The following LINGO2 variants were observed in gnomAD, a reference collection of about 807,000 sequenced individuals.
LINGO2 encodes the protein leucine-rich repeat and immunoglobulin-like domain-containing nogo receptor-interacting protein 2.
In LINGO2, 14 loss-of-function variants were observed where a neutral mutation model predicts 30.6. The observed-to-expected ratio is 0.46, with a 90% confidence interval of 0.30 to 0.72. The LOEUF (loss-of-function observed/expected upper bound fraction) is 0.72, where lower values mean the gene tolerates loss of function less well. LINGO2 is among the 30% of genes least tolerant of loss of function. The pLI, the probability that LINGO2 is intolerant of heterozygous loss-of-function variation, is 0.07. For missense variants in LINGO2, 729 were observed against 751.7 expected, an observed-to-expected ratio of 0.97 and a Z score of 0.35; for synonymous variants, 317 against 288.5, an observed-to-expected ratio of 1.10 and a Z score of -1.00.
chr9:28,125,043 G>T (rs115352775), intron 4 of LINGO2, among the ~76,000 whole-genome samples: 450 of 152,300 alleles, frequency 3.0e-3, no homozygotes, highest in African/African-American at 0.01. Context: ...CAAATCTCTT[G>T]ATGTCAAAAG....
chr9:28,459,292 A>G (rs1048513411), intron 2 of LINGO2, among the ~76,000 whole-genome samples: 1 of 151,806 alleles, frequency 6.6e-6, no homozygotes, highest in Admixed American at 6.6e-5. Context: ...AACTATGCAC[A>G]TGCTACTATT....
chr9:28,272,173 C>G (rs989831409), intron 4 of LINGO2, among the ~76,000 whole-genome samples: 2 of 152,118 alleles, frequency 1.3e-5, no homozygotes, highest in African/African-American at 4.8e-5. Flanking sequence ...CTGTTCTCTC[C>G]CCTTTGCCTA....
chr9:29,046,780 A>G, the LINGO2 span, among the ~76,000 whole-genome samples: 6 of 152,066 alleles, frequency 3.9e-5, no homozygotes, highest in Admixed American at 2.0e-4. Flanking sequence ...GCACAGCTAA[A>G]GAAACTATTA....
At position 28,508,671 on chromosome 9, in the gene LINGO2, G is replaced by A. The variant is rs114957821; in HGVS notation, c.-364-32646C>T. Among the ~76,000 whole-genome samples the A allele has an allele frequency of 9.3e-3, 1,415 of 151,996 alleles. 23 individuals carry two copies. The highest frequency in any genetic ancestry group is 0.032 in the African/African-American group (1,326 of 41,472). ...CCTTTATTTGATGTCTAAGCAGAAGGTTGGTTATTTAATTCCTTTCCTTGG... is the reference window on the plus strand; with the variant it reads ...CCTTTATTTGATGTCTAAGCAGAAGATTGGTTATTTAATTCCTTTCCTTGG... On this transcript the variant is annotated intron_variant, in intron 1 of 5. Coordinates refer to ENST00000379992, the Ensembl canonical transcript of LINGO2.
At chr9:29,200,873 A>G in the LINGO2 span, among the ~76,000 whole-genome samples, 1 of 152,042 alleles carries the variant, frequency 6.6e-6, no homozygotes, top group African/African-American at 2.4e-5. Context: ...AGGAGTACTG[A>G]TCAGATATTC....
chr9:28,196,379 G>C (rs904782338), intron 4 of LINGO2, among the ~76,000 whole-genome samples: 2 of 151,710 alleles, frequency 1.3e-5, no homozygotes, highest in East Asian at 3.9e-4. Flanking sequence ...TAAAACTGTA[G>C]AAAGTAATAA....
chr9:28,448,976 G>A (rs1389165054), intron 2 of LINGO2, among the ~76,000 whole-genome samples: 1 of 151,552 alleles, frequency 6.6e-6, no homozygotes, highest in Non-Finnish European at 1.5e-5. Context: ...TCACATCAAG[G>A]AGCTAGGCTT....
chr9:27,979,058 T>C (rs1820735139), intron 5 of LINGO2, among the ~76,000 whole-genome samples: 1 of 152,002 alleles, frequency 6.6e-6, no homozygotes, highest in African/African-American at 2.4e-5. Context: ...TGAACATTGG[T>C]CAGTCCCTTT....
At chr9:28,444,133 T>C (rs1824312840) in intron 2 of LINGO2, among the ~76,000 whole-genome samples, 1 of 152,156 alleles carries the variant, frequency 6.6e-6, no homozygotes, top group Non-Finnish European at 1.5e-5. Context: ...CCTCCAGTTG[T>C]CCATGTCTCC....
At chr9:28,951,635 GAC>G in the LINGO2 span, among the ~76,000 whole-genome samples, 1 of 152,032 alleles carries the variant, frequency 6.6e-6, no homozygotes, top group East Asian at 1.9e-4. Context: ...GAGCTTCTGA[GAC>G]ACCAACACTG....
rs755912643 is a variant in LINGO2, at chr9:28,513,817, C to T, written c.-364-37792G>A. ...TGGATGATCTTAAAAAAGGACATAC[C>T]GACTTCGTGAATGTATGTATAGTAA... On this transcript the variant is annotated intron_variant, in intron 1 of 5. Transcript: ENST00000379992. 5.9e-5 allele frequency among the ~76,000 whole-genome samples: 9 copies of T among 152,234 alleles called. No homozygotes were observed. The South Asian group carries it at 8.3e-4, about 14-fold the overall frequency.
intron 4 of LINGO2, among the ~76,000 whole-genome samples, chr9:28,019,186 G>A (rs894591451): frequency 1.4e-4 from 21 of 152,032 alleles, no homozygotes; most frequent in African/African-American, 5.1e-4. Flanking sequence ...GCTTTTACCT[G>A]AATGATGAAA....
At position 28,135,372 on chromosome 9, in the gene LINGO2, G is replaced by T. The variant is rs1449566329; in HGVS notation, c.-86-122967C>A. On this transcript the variant is annotated intron_variant, in intron 4 of 5. Transcript: ENST00000379992. ...AGAGAAAATAAAATGAGTAAAGAAG[G>T]CAAGATTAAAAGGAATACTTGGGAG... 2.6e-5 allele frequency among the ~76,000 whole-genome samples: 4 copies of T among 151,860 alleles called. No individual in the cohort carries two copies. In the South Asian group the frequency reaches 6.2e-4, roughly 24 times the overall value.
At chr9:28,038,974 C>T (rs913563948) in intron 4 of LINGO2, among the ~76,000 whole-genome samples, 1 of 152,164 alleles carries the variant, frequency 6.6e-6, no homozygotes, top group African/African-American at 2.4e-5. Context: ...TTCTCTAGGT[C>T]TACAATTCTT....
At chr9:28,564,517 T>C (rs1823264827) in intron 1 of LINGO2, among the ~76,000 whole-genome samples, 1 of 152,078 alleles carries the variant, frequency 6.6e-6, no homozygotes, top group Non-Finnish European at 1.5e-5. Context: ...TTGCCTTTCA[T>C]ACAGCAAGCA....
chr9:28,776,935 G>A, the LINGO2 span, among the ~76,000 whole-genome samples: 5 of 151,870 alleles, frequency 3.3e-5, no homozygotes, highest in African/African-American at 1.2e-4. Flanking sequence ...GTGGCCTGGC[G>A]GGAGGTGATG....
rs1469476629 is a variant in LINGO2, at chr9:28,299,176, A to G, written c.-245-3810T>C. On this transcript the variant is annotated intron_variant, in intron 3 of 5. Coordinates refer to ENST00000379992, the Ensembl canonical transcript of LINGO2. ...CATAACCCTCTAGGTGGCCAACAGA[A>G]CTATAAGAGTACTCAGCATTCAGTG... Among the ~76,000 whole-genome samples, 3 of 152,174 alleles carry G rather than the reference A, an allele frequency of 2.0e-5. No homozygotes were observed. In the East Asian group the frequency reaches 5.8e-4, roughly 29 times the overall value.
intron 1 of LINGO2, among the ~76,000 whole-genome samples, chr9:28,626,014 A>G (rs1250951673): frequency 1.3e-5 from 2 of 152,132 alleles, no homozygotes; most frequent in Non-Finnish European, 2.9e-5. Context: ...ACAAAACAAA[A>G]AAAACTACAA....
At chr9:29,090,531 G>A in the LINGO2 span, among the ~76,000 whole-genome samples, 1 of 151,964 alleles carries the variant, frequency 6.6e-6, no homozygotes, top group Non-Finnish European at 1.5e-5. Context: ...CACAGATCAA[G>A]TCCTAAATTA....
Sources: gnomAD v4.1 joint callset for allele counts (sites outside exome capture counted in the v4.1 genomes callset) on GRCh38, gnomAD v4.1.1 for gene constraint, MANE v1.5 for transcripts, NCBI Gene and HGNC (gene_info 2026-07-23, HGNC 2026-07-21) for gene names.